The following ZNF90 variants were observed in gnomAD, a reference collection of about 807,000 sequenced individuals.
ZNF90 encodes the protein zinc finger protein HTF9.
ZNF90 carries 11 observed loss-of-function variants against 12.0 expected under a neutral mutation model. The observed-to-expected ratio is 0.92, with a 90% CI of 0.58 to 1.52. The LOEUF (loss-of-function observed/expected upper bound fraction) is 1.52, where lower values mean the gene tolerates loss of function less well. Among genes scored for constraint, ZNF90 ranks in the 40% most tolerant of loss-of-function variants. The pLI, the probability that ZNF90 is intolerant of heterozygous loss-of-function variation, is 0.00. For synonymous variants in ZNF90, 232 were observed against 240.1 expected (o/e 0.97, Z 0.31); for missense variants, 765 against 711.5 (o/e 1.08, Z -0.86).
chr19:20,099,834 C>T lies in ZNF90; in HGVS notation c.4-4405C>T, dbSNP rs187733316. Reference sequence around the variant, plus strand: ...ACTCTAAGTATGCTTACTTAGTCCTCCATGCCCATGCAGCAATATAGAGAG... The same window carrying T: ...ACTCTAAGTATGCTTACTTAGTCCTTCATGCCCATGCAGCAATATAGAGAG... On this transcript the variant is annotated intron_variant, in intron 1 of 3. Coordinates refer to ENST00000418063, the MANE Select transcript of ZNF90 (RefSeq NM_007138.2). Among the ~76,000 whole-genome samples, 5 of 152,296 alleles carry T rather than the reference C, an allele frequency of 3.3e-5. No individual in the cohort carries two copies. In the East Asian group the frequency reaches 5.8e-4, roughly 18 times the overall value.
At chr19:20,096,273 A>AACAGAGG (rs2088944693) in intron 1 of ZNF90, among the ~76,000 whole-genome samples, 1 of 152,150 alleles carries the variant, frequency 6.6e-6, no homozygotes, top group Non-Finnish European at 1.5e-5. Flanking sequence ...TGGAGCAAAG[A>AACAGAGG]ACAGAGGACA....
intron 1 of ZNF90, among the ~76,000 whole-genome samples, chr19:20,087,977 C>A (rs1028052788): frequency 6.6e-6 from 1 of 152,042 alleles, no homozygotes; most frequent in African/African-American, 2.4e-5. Context: ...AGGCAAGGAC[C>A]GGCCATTTAC....
intron 1 of ZNF90, among the ~76,000 whole-genome samples, chr19:20,082,896 G>C (rs1248493917): frequency 2.0e-5 from 3 of 152,186 alleles, no homozygotes; most frequent in African/African-American, 7.2e-5. Flanking sequence ...TCCATCTACT[G>C]AGATAGGAGA....
chr19:20,097,053 G>C (rs782611984), intron 1 of ZNF90, among the ~76,000 whole-genome samples: 1 of 152,278 alleles, frequency 6.6e-6, no homozygotes, highest in African/African-American at 2.4e-5. Flanking sequence ...TATATATGAC[G>C]TGGTGCTGGA....
chr19:20,086,384 C>T (rs1372918212), intron 1 of ZNF90, among the ~76,000 whole-genome samples: 1 of 151,484 alleles, frequency 6.6e-6, no homozygotes, highest in Non-Finnish European at 1.5e-5. Flanking sequence ...ACAGGTGTGC[C>T]CAACCATGCC....
rs1321450472 is a variant in ZNF90, at chr19:20,119,081, C to CA, written c.1530dup (p.Cys511MetfsTer2). On this transcript the variant is annotated frameshift_variant, in exon 4 of 4. Transcript: ENST00000418063. LOFTEE classifies it low-confidence loss of function (END_TRUNC). Reference sequence around the variant, plus strand: ...TAATTCACAGTGGAGAGAATCCCTACAAATGTGAAGAATGTGGCAAAGCCT... The same window carrying CA: ...TAATTCACAGTGGAGAGAATCCCTACAAAATGTGAAGAATGTGGCAAAGCCT... The CA allele has an allele frequency of 6.2e-7, 1 of 1,612,436 alleles. No homozygotes were observed. Among genetic ancestry groups the CA allele is most frequent in the Non-Finnish European group, 8.5e-7 (1 of 1,179,304 alleles).
intron 3 of ZNF90, among the ~76,000 whole-genome samples, chr19:20,110,502 G>A (rs983181561): frequency 5.9e-5 from 9 of 152,074 alleles, no homozygotes; most frequent in African/African-American, 1.9e-4. Context: ...CTGACGTCAG[G>A]TGATCTGCCC....
chr19:20,080,224 C>CTGT, intron 1 of ZNF90: 1 of 580,322 alleles, frequency 1.7e-6, no homozygotes, highest in Non-Finnish European at 3.4e-6. Context: ...TGACGGTGTG[C>CTGT]TGTTGATGAG....
chr19:20,107,602 T>C (rs1448406227), intron 3 of ZNF90, among the ~76,000 whole-genome samples: 3 of 152,210 alleles, frequency 2.0e-5, no homozygotes, highest in Non-Finnish European at 2.9e-5. Flanking sequence ...TGAACCATAA[T>C]ACCTTTTTCT....
chr19:20,093,446 A>T (rs933370602), intron 1 of ZNF90, among the ~76,000 whole-genome samples: 1 of 151,970 alleles, frequency 6.6e-6, no homozygotes, highest in Non-Finnish European at 1.5e-5. Flanking sequence ...AGGAGTAGAG[A>T]TGTCCCATAC....
At chr19:20,080,844 AGTT>A (rs778827305) in intron 1 of ZNF90, among the ~76,000 whole-genome samples, 9 of 152,154 alleles carry the variant, frequency 5.9e-5, no homozygotes, top group South Asian at 2.1e-4. Flanking sequence ...TTAGATAATG[AGTT>A]GTTGTTGGAG....
intron 1 of ZNF90, among the ~76,000 whole-genome samples, chr19:20,101,806 G>T (rs1555703930): frequency 6.6e-6 from 1 of 152,188 alleles, no homozygotes; most frequent in African/African-American, 2.4e-5. Context: ...TGTCTCAGAT[G>T]CAGAGCTGTG....
At chr19:20,110,288 A>T (rs1277342891) in intron 3 of ZNF90, among the ~76,000 whole-genome samples, 11 of 151,476 alleles carry the variant, frequency 7.3e-5, no homozygotes, top group African/African-American at 1.7e-4. Flanking sequence ...GCTTTGTTTT[A>T]TTTTTTTTGA....
intron 1 of ZNF90, among the ~76,000 whole-genome samples, chr19:20,083,077 A>G (rs1180394694): frequency 2.0e-5 from 3 of 151,938 alleles, no homozygotes; most frequent in African/African-American, 4.8e-5. Context: ...CTATTACCCT[A>G]TTGTCCTGCC....
chr19:20,092,772 GAGA>G (rs2088912834), intron 1 of ZNF90, among the ~76,000 whole-genome samples: 1 of 152,192 alleles, frequency 6.6e-6, no homozygotes, highest in Non-Finnish European at 1.5e-5. Flanking sequence ...GTAACGGATG[GAGA>G]AGAAATTTGA....
At chr19:20,095,841 G>A (rs1555703205) in intron 1 of ZNF90, among the ~76,000 whole-genome samples, 1 of 152,062 alleles carries the variant, frequency 6.6e-6, no homozygotes, top group Non-Finnish European at 1.5e-5. Flanking sequence ...GAGAGAAGGG[G>A]TTGAGGGGTA....
intron 3 of ZNF90, among the ~76,000 whole-genome samples, chr19:20,106,209 T>A (rs1297859977): frequency 1.3e-5 from 2 of 152,044 alleles, no homozygotes; most frequent in Admixed American, 1.3e-4. Context: ...ATTTTATGTT[T>A]TGCTAATTTA....
chr19:20,092,308 T>G (rs952278977), intron 1 of ZNF90, among the ~76,000 whole-genome samples: 2 of 152,102 alleles, frequency 1.3e-5, no homozygotes, highest in African/African-American at 2.4e-5. Flanking sequence ...CTACAAGTAT[T>G]AGGGCAGCAG....
intron 1 of ZNF90, among the ~76,000 whole-genome samples, chr19:20,083,459 C>T (rs2122473326): frequency 6.6e-6 from 1 of 152,136 alleles, no homozygotes; most frequent in Non-Finnish European, 1.5e-5. Flanking sequence ...TCCCAAGTAG[C>T]TAGTATTATA....
Sources: allele counts gnomAD v4.1 joint callset (sites outside exome capture counted in the v4.1 genomes callset), GRCh38; gene constraint gnomAD v4.1.1; transcripts MANE v1.5; gene names NCBI Gene and HGNC (gene_info 2026-07-23, HGNC 2026-07-21).